Variants in SH3GL2 observed in about 807,000 individuals in gnomAD.
SH3GL2 encodes the protein endophilin-A1.
Under a neutral mutation model 46.0 loss-of-function variants are expected in SH3GL2, and 24 were observed. The observed-to-expected ratio is 0.52, with a 90% CI of 0.38 to 0.73. The LOEUF (loss-of-function observed/expected upper bound fraction) is 0.73, where lower values mean the gene tolerates loss of function less well. Ranked by LOEUF, SH3GL2 falls within the 30% of genes least tolerant of loss-of-function variation. The pLI is 0.00. For missense variants in SH3GL2, 413 were observed against 424.2 expected (o/e 0.97, Z 0.23); for synonymous variants, 196 against 147.1 (o/e 1.33, Z -2.40).
At position 17,592,968 on chromosome 9, in the gene SH3GL2, A is replaced by G. The variant is rs529841147; in HGVS notation, c.45+13681A>G. On this transcript the variant is annotated intron_variant, in intron 1 of 8. Transcript: ENST00000380607. ...GTGATTTAATCAGTCATGCCTATGTAATGAAGCCTCCATAAAAACCCAACA... is the reference window on the plus strand; with the variant it reads ...GTGATTTAATCAGTCATGCCTATGTGATGAAGCCTCCATAAAAACCCAACA... Among the ~76,000 whole-genome samples the G allele has an allele frequency of 8.5e-5, 13 of 152,310 alleles. No individual in the cohort carries two copies. The South Asian group carries it at 2.7e-3, about 32-fold the overall frequency.
At chr9:17,744,449 T>C (rs2118516115) in intron 1 of SH3GL2, among the ~76,000 whole-genome samples, 1 of 152,020 alleles carries the variant, frequency 6.6e-6, no homozygotes, top group East Asian at 1.9e-4. Flanking sequence ...CACTGTGGCC[T>C]CAACCTCCTG....
rs1824259372 is a variant in SH3GL2 at position 17,795,794 on chromosome 9, A to G, written c.*51A>G. On this transcript the variant is annotated 3_prime_UTR_variant, in exon 9 of 9. Coordinates refer to ENST00000380607, the MANE Select transcript of SH3GL2 (RefSeq NM_003026.5). ...CTCTTGACCCAGATAGTTACGGTTA[A>G]CCACTGCTTTGGCAATGCTGCTTAT... The G allele has an allele frequency of 6.8e-7, 1 of 1,460,838 alleles. No individual in the cohort carries two copies. The highest frequency in any genetic ancestry group is 1.7e-5 in the Admixed American group (1 of 58,038). 90.5% of individuals were successfully genotyped at this position (1,460,838 alleles called of 1,614,324 possible).
chr9:17,627,971 T>C (rs1015322979), intron 1 of SH3GL2, among the ~76,000 whole-genome samples: 13 of 152,216 alleles, frequency 8.5e-5, no homozygotes, highest in Non-Finnish European at 1.8e-4. Context: ...CCTGGTGTTG[T>C]TGAGTGTAGA....
chr9:17,592,667 T>C (rs1026821419), intron 1 of SH3GL2, among the ~76,000 whole-genome samples: 1 of 152,310 alleles, frequency 6.6e-6, no homozygotes, highest in Middle Eastern at 3.4e-3. Flanking sequence ...TATTTTAATT[T>C]GGGGATTCAG....
At chr9:17,600,291 A>G (rs1818645240) in intron 1 of SH3GL2, among the ~76,000 whole-genome samples, 1 of 152,234 alleles carries the variant, frequency 6.6e-6, no homozygotes, top group Admixed American at 6.5e-5. Flanking sequence ...TATTAATTAA[A>G]TGTCCTATGT....
chr9:17,606,796 A>G (rs1818768489), intron 1 of SH3GL2, among the ~76,000 whole-genome samples: 1 of 152,168 alleles, frequency 6.6e-6, no homozygotes, highest in South Asian at 2.1e-4. Flanking sequence ...AAACTACCAC[A>G]ACCAAGAAAT....
chr9:17,643,750 C>G (rs6475162), intron 1 of SH3GL2, among the ~76,000 whole-genome samples: 92,457 of 152,058 alleles, frequency 0.61, 28,511 homozygotes, highest in Non-Finnish European at 0.67. Flanking sequence ...TTTTATTGAG[C>G]ATTTTCACAT....
chr9:17,741,304 T>G (rs1322707256), intron 1 of SH3GL2, among the ~76,000 whole-genome samples: 1 of 152,198 alleles, frequency 6.6e-6, no homozygotes, highest in Non-Finnish European at 1.5e-5. Context: ...ATGTGTGTGT[T>G]TATATATGCA....
At chr9:17,669,140 T>TTAC (rs1178741608) in intron 1 of SH3GL2, among the ~76,000 whole-genome samples, 1 of 152,216 alleles carries the variant, frequency 6.6e-6, no homozygotes, top group Non-Finnish European at 1.5e-5. Context: ...TCATATGCAG[T>TTAC]TGTAAGAAAT....
At chr9:17,579,326 G>GC (rs1818229308) in intron 1 of SH3GL2, 39 bp downstream of exon 1, 2 of 1,451,888 alleles carry the variant, frequency 1.4e-6, no homozygotes, top group Non-Finnish European at 1.9e-6. Context: ...GCAGTCCGGG[G>GC]CGAAGCTGCG....
intron 3 of SH3GL2, among the ~76,000 whole-genome samples, chr9:17,775,886 G>C (rs1257199075): frequency 6.6e-6 from 1 of 152,066 alleles, no homozygotes; most frequent in Non-Finnish European, 1.5e-5. Flanking sequence ...GGTGGGGGTT[G>C]GATTCTCTTC....
chr9:17,579,158 G>A lies in SH3GL2; in HGVS notation c.-85G>A, dbSNP rs1588152673. 6.0e-6 allele frequency: 6 copies of A among 991,806 alleles called. No individual in the cohort carries two copies. In the East Asian group the frequency reaches 1.7e-4, roughly 28 times the overall value. 61.4% of individuals were successfully genotyped at this position (991,806 alleles called of 1,614,324 possible). A position where few individuals can be genotyped will look rare whatever the true frequency, so the allele number is the denominator to read the frequency against. On this transcript the variant is annotated 5_prime_UTR_variant, in exon 1 of 9. Coordinates refer to ENST00000380607, the MANE Select transcript of SH3GL2 (RefSeq NM_003026.5). ...CGGCGGCACGACCAGAGGCGGCCAG[G>A]GGAGCGCGCCGCCCCGCTCGGCCCT...
At chr9:17,669,533 C>G (rs1206504916) in intron 1 of SH3GL2, among the ~76,000 whole-genome samples, 2 of 152,068 alleles carry the variant, frequency 1.3e-5, no homozygotes, top group African/African-American at 2.4e-5. Context: ...GTATACAATC[C>G]TTAGGGATTG....
chr9:17,622,306 A>G (rs891720991), intron 1 of SH3GL2, among the ~76,000 whole-genome samples: 5 of 152,190 alleles, frequency 3.3e-5, no homozygotes, highest in African/African-American at 1.2e-4. Flanking sequence ...TAATATGCAA[A>G]TAAGCCATCT....
At chr9:17,699,625 C>T (rs1256908030) in intron 1 of SH3GL2, among the ~76,000 whole-genome samples, 1 of 152,238 alleles carries the variant, frequency 6.6e-6, no homozygotes, top group Non-Finnish European at 1.5e-5. Flanking sequence ...GCACTAGCCC[C>T]TCTTGGCTGT....
chr9:17,627,211 G>A (rs1588185246), intron 1 of SH3GL2, among the ~76,000 whole-genome samples: 1 of 152,088 alleles, frequency 6.6e-6, no homozygotes, highest in Non-Finnish European at 1.5e-5. Context: ...TCACCAATGA[G>A]ACACCATCCT....
intron 1 of SH3GL2, among the ~76,000 whole-genome samples, chr9:17,686,969 A>T (rs1820930198): frequency 2.0e-5 from 3 of 151,964 alleles, no homozygotes; most frequent in Admixed American, 2.0e-4. Context: ...GGGAAGATCG[A>T]CAGTGGAATC....
chr9:17,614,931 C>T (rs1024744300), intron 1 of SH3GL2, among the ~76,000 whole-genome samples: 2 of 152,196 alleles, frequency 1.3e-5, no homozygotes, highest in African/African-American at 4.8e-5. Context: ...GGCTCCGCGA[C>T]AGCATTTCCA....
intron 3 of SH3GL2, among the ~76,000 whole-genome samples, chr9:17,767,268 A>G (rs536262576): frequency 6.6e-6 from 1 of 152,326 alleles, no homozygotes; most frequent in African/African-American, 2.4e-5. Flanking sequence ...GTCTATTTAG[A>G]ATTTTTTAAT....
Sources: gnomAD v4.1 joint callset for allele counts (sites outside exome capture counted in the v4.1 genomes callset) on GRCh38, gnomAD v4.1.1 for gene constraint, MANE v1.5 for transcripts, NCBI Gene and HGNC (gene_info 2026-07-23, HGNC 2026-07-21) for gene names.